FAM193A: variants seen among roughly 807,000 people sequenced by gnomAD.
FAM193A encodes family with sequence similarity 193 member A.
In FAM193A, 22 loss-of-function variants were observed where a neutral mutation model predicts 126.5. The observed-to-expected ratio is 0.17, with a 90% CI of 0.12 to 0.25. FAM193A has a LOEUF of 0.25. Among genes scored for constraint, FAM193A ranks in the 10% least tolerant of loss-of-function variants. The pLI, the probability that FAM193A is intolerant of heterozygous loss-of-function variation, is 1.00. For synonymous variants in FAM193A, 761 were observed against 646.8 expected, an observed-to-expected ratio of 1.18 and a Z score of -2.68; for missense variants, 1,675 against 1,672.8, an observed-to-expected ratio of 1.00 and a Z score of -0.02.
At chr4:2,652,382 T>G (rs1745755363) in intron 7 of FAM193A, among the ~76,000 whole-genome samples, 1 of 152,210 alleles carries the variant, frequency 6.6e-6, no homozygotes, top group Non-Finnish European at 1.5e-5. Context: ...GGTGTATTAG[T>G]CCATTCTTGC....
chr4:2,652,641 G>A (rs1011585556), intron 7 of FAM193A, among the ~76,000 whole-genome samples: 6 of 152,160 alleles, frequency 3.9e-5, no homozygotes, highest in African/African-American at 9.6e-5. Flanking sequence ...CAGCACCTTC[G>A]GGGAAATCTG....
intron 13 of FAM193A, among the ~76,000 whole-genome samples, chr4:2,683,236 T>A (rs1715352143): frequency 6.6e-6 from 1 of 152,182 alleles, no homozygotes; most frequent in Non-Finnish European, 1.5e-5. Flanking sequence ...TTTTCCCTGT[T>A]CTTCTGTAGG....
At chr4:2,542,966 CAT>C (rs1737322466) in intron 1 of FAM193A, among the ~76,000 whole-genome samples, 1 of 152,032 alleles carries the variant, frequency 6.6e-6, no homozygotes, top group African/African-American at 2.4e-5. Context: ...AGTAGGAAAA[CAT>C]AACTTAGCTT....
At chr4:2,721,489 A>G (rs993203016) in intron 20 of FAM193A, among the ~76,000 whole-genome samples, 1 of 152,172 alleles carries the variant, frequency 6.6e-6, no homozygotes, top group Non-Finnish European at 1.5e-5. Flanking sequence ...CTTTCTCCAA[A>G]AAAATTAAAA....
At chr4:2,657,962 C>T in intron 8 of FAM193A, 82 bp downstream of exon 8, 1 of 973,112 alleles carries the variant, frequency 1.0e-6, no homozygotes, top group South Asian at 1.4e-5. Context: ...TGTTGATGTG[C>T]TTTGTTAGAA....
Position 2,678,359 on chromosome 4 carries a change from G to GGT in FAM193A, c.2331+5988_2331+5989dup, listed in dbSNP as rs200132003. On this transcript the variant is annotated intron_variant, in intron 13 of 20. Coordinates refer to ENST00000637812, the MANE Select transcript of FAM193A (RefSeq NM_001366318.2). ...GTTGGTGTTTTGTTTTGGTTTTGGT[G>GGT]GTTTTTTTTTTTTTTTTTTTTGAGA... Among the ~76,000 whole-genome samples, 1,344 of 141,710 alleles carry GGT rather than the reference G, an allele frequency of 9.5e-3. 27 individuals are homozygous for GGT. Among genetic ancestry groups the GGT allele is most frequent in the African/African-American group, 0.033 (1,257 of 37,944 alleles). The allele number at this position is 141,710 out of a possible 152,430, so 93.0% of individuals were successfully genotyped here.
intron 20 of FAM193A, among the ~76,000 whole-genome samples, chr4:2,722,473 TGCTGTGTCCAGAAGGG>T (rs1560618046): frequency 6.6e-6 from 1 of 152,196 alleles, no homozygotes; most frequent in East Asian, 1.9e-4. Flanking sequence ...CTATTCCAGC[TGCTGTGTCCAGAAGGG>T]GCTGGGGGAC....
At chr4:2,669,428 G>T (rs1236982159) in intron 12 of FAM193A, among the ~76,000 whole-genome samples, 4 of 152,014 alleles carry the variant, frequency 2.6e-5, no homozygotes, top group East Asian at 1.9e-4. Flanking sequence ...AGCCAACGTG[G>T]TGAAACCCCA....
chr4:2,656,074 A>G (rs1227186438), intron 7 of FAM193A, among the ~76,000 whole-genome samples: 2 of 152,210 alleles, frequency 1.3e-5, no homozygotes, highest in Non-Finnish European at 2.9e-5. Context: ...GGTGTGAGCC[A>G]CTGCATCCAG....
At chr4:2,575,192 G>A (rs983577896) in intron 1 of FAM193A, among the ~76,000 whole-genome samples, 2 of 152,160 alleles carry the variant, frequency 1.3e-5, no homozygotes, top group South Asian at 4.1e-4. Context: ...AGAGGCCTAT[G>A]CCCCAAGAAA....
intron 1 of FAM193A, among the ~76,000 whole-genome samples, chr4:2,541,159 A>T (rs1281260807): frequency 6.6e-6 from 1 of 151,252 alleles, no homozygotes; most frequent in African/African-American, 2.4e-5. Flanking sequence ...AATCCTAGCT[A>T]CTCAGGAGGC....
intron 1 of FAM193A, among the ~76,000 whole-genome samples, chr4:2,551,898 T>C (rs534213093): frequency 6.6e-6 from 1 of 151,996 alleles, no homozygotes; most frequent in Non-Finnish European, 1.5e-5. Context: ...TGGAGTGCTG[T>C]GGCTTGATCA....
rs753048642 is a variant in FAM193A, at chr4:2,693,855, G to A, written c.3073G>A (p.Ala1025Thr). 6.4e-5 allele frequency: 103 copies of A among 1,613,854 alleles called. No homozygotes were observed. Among genetic ancestry groups the A allele is most frequent in the Non-Finnish European group, 8.0e-5 (94 of 1,179,902 alleles). ...CCCGGCCACAGATGGCTCCATTAGC[G>A]CCCCTCCAAGTGTCTGCAGGTGAGC... is the stretch of plus-strand genomic sequence containing the variant. ...LPPATDGSIS[A>T]PPSVCSDPDC... Residue 1025 changes from alanine (A) to threonine (T), a missense_variant, in exon 16 of 21, where the codon GCC becomes ACC. Transcript: ENST00000637812.
intron 7 of FAM193A, among the ~76,000 whole-genome samples, chr4:2,651,120 C>T (rs1026548894): frequency 3.3e-5 from 5 of 152,136 alleles, no homozygotes; most frequent in East Asian, 1.9e-4. Flanking sequence ...CACCTGAGGT[C>T]GGGAGTTCAA....
chr4:2,714,176 A>T (rs79716113), intron 19 of FAM193A, among the ~76,000 whole-genome samples: 407 of 152,098 alleles, frequency 2.7e-3, no homozygotes, highest in African/African-American at 7.7e-3. Flanking sequence ...TACATCTGTA[A>T]ATGCTCCGGC....
chr4:2,649,835 G>C (rs1258356224), intron 7 of FAM193A, among the ~76,000 whole-genome samples: 1 of 152,216 alleles, frequency 6.6e-6, no homozygotes, highest in Admixed American at 6.5e-5. Flanking sequence ...CTGCACAGCA[G>C]GAGGTGAGTG....
upstream of FAM193A, chr4:2,536,627 C>G (rs1736886698): frequency 6.6e-6 from 1 of 150,972 alleles, no homozygotes. Flanking sequence ...CTCCTTCCCC[C>G]TCCCCCGACG....
At chr4:2,593,132 C>T (rs538647779) in intron 1 of FAM193A, among the ~76,000 whole-genome samples, 25 of 152,286 alleles carry the variant, frequency 1.6e-4, no homozygotes, top group Non-Finnish European at 3.1e-4. Flanking sequence ...CAGCACCTGA[C>T]GCTTCATACT....
intron 1 of FAM193A, among the ~76,000 whole-genome samples, chr4:2,586,252 A>AT (rs199598011): frequency 0.03 from 4,563 of 150,584 alleles, 108 homozygotes; most frequent in Non-Finnish European, 0.043. Context: ...CTCAAAAAAA[A>AT]AAATATATAT....
Sources: gnomAD v4.1 joint callset for allele counts (sites outside exome capture counted in the v4.1 genomes callset) on GRCh38, gnomAD v4.1.1 for gene constraint, MANE v1.5 for transcripts, NCBI Gene and HGNC (gene_info 2026-07-23, HGNC 2026-07-21) for gene names.